AGBL1: variants seen among roughly 807,000 people sequenced by gnomAD.
The protein encoded by AGBL1 is cytosolic carboxypeptidase 4.
AGBL1 carries 130 observed loss-of-function variants against 118.9 expected under a neutral mutation model. The ratio of observed to expected loss-of-function variants is 1.09; its 90% CI spans 0.95 to 1.26. AGBL1 has a LOEUF of 1.26. Ranked by LOEUF, AGBL1 falls within the 50% of genes most tolerant of loss-of-function variation. The probability of loss-of-function intolerance (pLI) is 0.00; values close to 1 mark genes in which losing one functional copy is unlikely to be tolerated. For synonymous variants in AGBL1, 555 were observed against 478.9 expected (o/e 1.16, Z -2.08); for missense variants, 1,584 against 1,298.1 (o/e 1.22, Z -3.38).
chr15:86,276,627 A>G (rs1420414660), intron 15 of AGBL1, among the ~76,000 whole-genome samples: 1 of 152,194 alleles, frequency 6.6e-6, no homozygotes, highest in Non-Finnish European at 1.5e-5. Flanking sequence ...TGAGAATAGG[A>G]GTGATAAGGG....
chr15:86,733,803 A>G (rs1379445111), intron 22 of AGBL1, among the ~76,000 whole-genome samples: 1 of 152,180 alleles, frequency 6.6e-6, no homozygotes, highest in African/African-American at 2.4e-5. Flanking sequence ...GTAGTATTTT[A>G]TCCTGGTTAA....
At chr15:86,548,027 A>T (rs996416566) in intron 20 of AGBL1, among the ~76,000 whole-genome samples, 5 of 152,176 alleles carry the variant, frequency 3.3e-5, no homozygotes, top group African/African-American at 9.6e-5. Flanking sequence ...TAATTATCTT[A>T]ACACTGGTGA....
intron 22 of AGBL1, among the ~76,000 whole-genome samples, chr15:86,895,754 T>C (rs976578204): frequency 3.3e-5 from 5 of 152,064 alleles, no homozygotes; most frequent in Non-Finnish European, 5.9e-5. Flanking sequence ...TTCCCTTATT[T>C]AATTTGTTTT....
At chr15:86,883,756 G>T (rs1245143208) in intron 22 of AGBL1, among the ~76,000 whole-genome samples, 1 of 152,072 alleles carries the variant, frequency 6.6e-6, no homozygotes, top group African/African-American at 2.4e-5. Context: ...TTAATGAATA[G>T]ATAAATAAAA....
chr15:87,029,303 C>G (rs1437013758), downstream of AGBL1, among the ~76,000 whole-genome samples: 1 of 151,760 alleles, frequency 6.6e-6, no homozygotes, highest in Non-Finnish European at 1.5e-5. Flanking sequence ...ACTGAAACAA[C>G]TCATTTATCC....
At chr15:86,463,521 A>G (rs537851382) in intron 18 of AGBL1, among the ~76,000 whole-genome samples, 9 of 152,160 alleles carry the variant, frequency 5.9e-5, no homozygotes, top group East Asian at 1.9e-4. Flanking sequence ...GCCCATGCCT[A>G]TATCCTGAAT....
In AGBL1 at chr15:86,264,708, C is replaced by A; in HGVS notation, c.1537C>A (p.Leu513Ile). 6.2e-7 allele frequency: 1 copy of A among 1,614,020 alleles called. No homozygotes were observed. The highest frequency in any genetic ancestry group is 8.5e-7 in the Non-Finnish European group (1 of 1,179,900). ...LKRVPFHDPY[L>I]YMAKARRTSS... is the part of the protein sequence containing the mutation. Reference sequence around the variant, plus strand: ...GCGTGTCCCTTTCCACGATCCCTATCTTTATATGGCCAAAGCCAGAAGAAC... The same window carrying A: ...GCGTGTCCCTTTCCACGATCCCTATATTTATATGGCCAAAGCCAGAAGAAC... The change falls in exon 11 of 23, where the codon CTT (leucine) becomes ATT (isoleucine). Residue 513 changes from leucine (L) to isoleucine (I), a missense_variant. By Grantham distance (5) the Leu-to-Ile change is conservative. Transcript: ENST00000614907.
At chr15:86,087,332 C>CTTTTTTTTTTTTTTTTTTTTTTTGTT (rs565797859) in intron 1 of AGBL1, among the ~76,000 whole-genome samples, 1 of 135,520 alleles carries the variant, frequency 7.4e-6, no homozygotes, top group Admixed American at 7.5e-5. Context: ...ATTTAATGGG[C>CTTTTTTTTTTTTTTTTTTTTTTTGTT]TTTTTTTTTT....
intron 17 of AGBL1, among the ~76,000 whole-genome samples, chr15:86,343,178 A>T (rs1280195954): frequency 1.3e-5 from 2 of 152,202 alleles, no homozygotes; most frequent in African/African-American, 2.4e-5. Context: ...TTGAGAGGCT[A>T]ATCTTTATGA....
Position 86,161,957 on chromosome 15 carries a change from G to T in AGBL1, c.488+2931G>T, listed in dbSNP as rs73443474. Among the ~76,000 whole-genome samples, 461 of 152,278 alleles carry T rather than the reference G, an allele frequency of 3.0e-3. 1 individual carries two copies. The highest frequency in any genetic ancestry group is 0.011 in the African/African-American group (439 of 41,532). ...ATAACAAATAATGTGTAAAGACATC[G>T]TGTGCTTTGACATGCTATGACATTG... On this transcript the variant is annotated intron_variant, in intron 5 of 22. Transcript: ENST00000614907.
intron 17 of AGBL1, among the ~76,000 whole-genome samples, chr15:86,356,649 T>C (rs1484346801): frequency 1.3e-5 from 2 of 152,138 alleles, no homozygotes; most frequent in East Asian, 3.9e-4. Flanking sequence ...CTTTTTACCC[T>C]GAGAATTGTA....
intron 19 of AGBL1, among the ~76,000 whole-genome samples, chr15:86,540,090 C>T (rs1397059990): frequency 1.3e-5 from 2 of 152,090 alleles, no homozygotes; most frequent in Non-Finnish European, 2.9e-5. Context: ...TTCTCGGCCA[C>T]AAAATGAGCA....
intron 19 of AGBL1, among the ~76,000 whole-genome samples, chr15:86,539,236 G>A (rs2083463356): frequency 6.6e-6 from 1 of 152,144 alleles, no homozygotes; most frequent in Admixed American, 6.5e-5. Context: ...TATGTTCCTT[G>A]CCTTTGCGGA....
At chr15:86,990,381 G>A (rs933374693) in intron 24 of AGBL1, among the ~76,000 whole-genome samples, 4 of 152,162 alleles carry the variant, frequency 2.6e-5, no homozygotes, top group African/African-American at 9.7e-5. Flanking sequence ...CACGCGTGTG[G>A]CAGGTGCTTG....
chr15:86,986,369 T>C (rs1211888529), intron 23 of AGBL1, among the ~76,000 whole-genome samples: 1 of 152,224 alleles, frequency 6.6e-6, no homozygotes, highest in African/African-American at 2.4e-5. Flanking sequence ...TATATACATA[T>C]ATATTTACAC....
At chr15:86,518,095 T>C (rs1295049347) in intron 18 of AGBL1, among the ~76,000 whole-genome samples, 1 of 152,160 alleles carries the variant, frequency 6.6e-6, no homozygotes, top group East Asian at 1.9e-4. Flanking sequence ...ATGGGCTCTA[T>C]CCCTCTGTTT....
At position 86,271,644 on chromosome 15, in the gene AGBL1, G is replaced by A. The variant is rs2079163957; in HGVS notation, c.2013G>A (p.Val671=). ...GGATGCAGCCCACCCTATATTCTGTGAAGGAGGCTCTTCTTGGCAAACCCA... is the reference window on the plus strand; with the variant it reads ...GGATGCAGCCCACCCTATATTCTGTAAAGGAGGCTCTTCTTGGCAAACCCA... The part of the protein sequence containing the change: ...NYGMQPTLYS[V]KEALLGKPTW... Residue 671 remains valine (V), a synonymous_variant, in exon 15 of 23, where the codon GTG becomes GTA. Coordinates refer to ENST00000614907, the MANE Select transcript of AGBL1 (RefSeq NM_001386094.1). The A allele has an allele frequency of 6.2e-6, 10 of 1,612,904 alleles. No homozygotes were observed. Among genetic ancestry groups the A allele is most frequent in the Non-Finnish European group, 8.5e-6 (10 of 1,178,946 alleles).
intron 1 of AGBL1, chr15:86,104,928 A>C (rs1301022230): frequency 1.3e-5 from 2 of 152,116 alleles, no homozygotes; most frequent in African/African-American, 4.8e-5. Context: ...GCAGGAGTCC[A>C]TGGTGAGAAT....
At position 86,708,623 on chromosome 15, in the gene AGBL1, C is replaced by T. The variant is rs368887785; in HGVS notation, c.3158+34187C>T. Among the ~76,000 whole-genome samples the T allele has an allele frequency of 5.9e-5, 9 of 152,212 alleles. No homozygotes were observed. In the South Asian group the frequency reaches 1.9e-3, roughly 32 times the overall value. ...TATGCCAGATTTCAAAAAATCTTTG[C>T]AAAAGCCCTGTGTTAATGAGGTTTT... is the stretch of plus-strand genomic sequence containing the variant. On this transcript the variant is annotated intron_variant, in intron 22 of 22. Coordinates refer to ENST00000614907, the MANE Select transcript of AGBL1 (RefSeq NM_001386094.1).
Sources: allele counts gnomAD v4.1 joint callset (sites outside exome capture counted in the v4.1 genomes callset), GRCh38; gene constraint gnomAD v4.1.1; transcripts MANE v1.5; gene names NCBI Gene and HGNC (gene_info 2026-07-23, HGNC 2026-07-21).